The following RBFOX1 variants were observed in gnomAD, a reference collection of about 807,000 sequenced individuals.
The protein encoded by RBFOX1 is RNA binding protein fox-1 homolog 1.
In RBFOX1, 8 loss-of-function variants were observed where a neutral mutation model predicts 57.7. The ratio of observed to expected loss-of-function variants is 0.14; its 90% CI spans 0.08 to 0.25. RBFOX1 has a LOEUF of 0.25. Among genes scored for constraint, RBFOX1 ranks in the 10% least tolerant of loss-of-function variants. The pLI, the probability that RBFOX1 is intolerant of heterozygous loss-of-function variation, is 1.00. For synonymous variants in RBFOX1, 326 were observed against 222.4 expected (o/e 1.47, Z -4.15); for missense variants, 611 against 548.5 (o/e 1.11, Z -1.14).
intron 1 of RBFOX1, among the ~76,000 whole-genome samples, chr16:6,210,770 A>T: frequency 1.3e-5 from 2 of 152,288 alleles, no homozygotes; most frequent in Middle Eastern, 6.8e-3. Context: ...TTAAAAAAGG[A>T]ATCTTATGAA....
intron 2 of RBFOX1, among the ~76,000 whole-genome samples, chr16:6,634,609 A>G (rs2098416197): frequency 1.4e-5 from 2 of 145,144 alleles, no homozygotes; most frequent in Non-Finnish European, 3.0e-5. Flanking sequence ...TCTATGTAAT[A>G]TATGATTAAA....
intron 3 of RBFOX1, among the ~76,000 whole-genome samples, chr16:5,835,199 C>G (rs769187824): frequency 6.6e-6 from 1 of 152,076 alleles, no homozygotes; most frequent in Non-Finnish European, 1.5e-5. Flanking sequence ...TGAGGGCTTC[C>G]TAGAAGTGAG....
intron 4 of RBFOX1, among the ~76,000 whole-genome samples, chr16:7,414,193 C>A (rs2098457421): frequency 6.6e-6 from 1 of 152,226 alleles, no homozygotes; most frequent in African/African-American, 2.4e-5. Flanking sequence ...CACTTCCATG[C>A]ACCAAGATGG....
At chr16:7,205,691 C>G (rs1219617876) in intron 4 of RBFOX1, among the ~76,000 whole-genome samples, 1 of 152,116 alleles carries the variant, frequency 6.6e-6, no homozygotes, top group African/African-American at 2.4e-5. Context: ...TTGACGTAAA[C>G]TTGGTCCACC....
intron 3 of RBFOX1, among the ~76,000 whole-genome samples, chr16:6,796,815 T>G (rs1045916539): frequency 2.0e-5 from 3 of 152,320 alleles, no homozygotes; most frequent in African/African-American, 4.8e-5. Context: ...ATATCTACAT[T>G]GTTTCTTTGA....
intron 4 of RBFOX1, among the ~76,000 whole-genome samples, chr16:7,388,735 C>G (rs576022007): frequency 6.9e-6 from 1 of 145,858 alleles, no homozygotes; most frequent in Non-Finnish European, 1.5e-5. Context: ...ATGAATTCCA[C>G]GAGATATTCA....
chr16:6,329,289 A>C (rs2082731811), intron 2 of RBFOX1, among the ~76,000 whole-genome samples: 1 of 152,158 alleles, frequency 6.6e-6, no homozygotes, highest in South Asian at 2.1e-4. Flanking sequence ...ACCTCATTTC[A>C]TCCTTATAAT....
chr16:6,862,974 G>C (rs2059277932), intron 3 of RBFOX1, among the ~76,000 whole-genome samples: 1 of 138,662 alleles, frequency 7.2e-6, no homozygotes, highest in African/African-American at 2.5e-5. Flanking sequence ...GACAGAGGGA[G>C]ACTCTGTCTA....
chr16:5,482,502 C>G (rs1483139002), intron 2 of RBFOX1, among the ~76,000 whole-genome samples: 1 of 152,216 alleles, frequency 6.6e-6, no homozygotes, highest in African/African-American at 2.4e-5. Flanking sequence ...AAGTCAGCGT[C>G]TGAGCCAGGG....
At chr16:6,565,776 C>G (rs142392076) in intron 2 of RBFOX1, among the ~76,000 whole-genome samples, 1,649 of 152,272 alleles carry the variant, frequency 0.011, 11 homozygotes, top group Non-Finnish European at 0.018. Context: ...CTCACTTTTT[C>G]TTTAATTTTT....
intron 4 of RBFOX1, among the ~76,000 whole-genome samples, chr16:5,975,700 T>C (rs1421220533): frequency 1.3e-5 from 2 of 152,176 alleles, no homozygotes; most frequent in African/African-American, 2.4e-5. Context: ...CCTAGCATAA[T>C]TTAAGCTTAA....
chr16:5,434,514 G>A (rs2067856404), intron 1 of RBFOX1, among the ~76,000 whole-genome samples: 1 of 151,264 alleles, frequency 6.6e-6, no homozygotes, highest in Admixed American at 6.6e-5. Flanking sequence ...TAGAGATGAG[G>A]TTTCTCCATG....
chr16:7,042,976 A>G (rs562187823), intron 3 of RBFOX1, among the ~76,000 whole-genome samples: 6 of 152,302 alleles, frequency 3.9e-5, no homozygotes, highest in East Asian at 3.9e-4. Context: ...TCCTAGCAGC[A>G]TAGTTAAAAT....
At chr16:7,244,247 C>CAAAAAAAAAAAA (rs60054791) in intron 4 of RBFOX1, among the ~76,000 whole-genome samples, 1 of 99,224 alleles carries the variant, frequency 1.0e-5, no homozygotes, top group African/African-American at 3.4e-5. Context: ...CAAAGTATTC[C>CAAAAAAAAAAAA]AAAAAAAAAA....
chr16:6,255,080 C>G (rs8061586), intron 1 of RBFOX1, among the ~76,000 whole-genome samples: 107,598 of 152,046 alleles, frequency 0.71, 41,897 homozygotes, highest in Non-Finnish European at 0.87. Flanking sequence ...CATATGTCCG[C>G]GGACCTGTTT....
At chr16:5,953,321 A>C (rs889966199) in intron 4 of RBFOX1, among the ~76,000 whole-genome samples, 2 of 152,228 alleles carry the variant, frequency 1.3e-5, no homozygotes, top group Non-Finnish European at 2.9e-5. Context: ...GCATGGGCAT[A>C]CTTTTAAAAA....
At chr16:7,698,239 G>C (rs1223499760) in intron 14 of RBFOX1, among the ~76,000 whole-genome samples, 2 of 151,222 alleles carry the variant, frequency 1.3e-5, no homozygotes, top group East Asian at 1.9e-4. Flanking sequence ...GTGGAGGCTG[G>C]GACTCACTAG....
At chr16:5,707,555 A>T (rs1244047933) in intron 3 of RBFOX1, among the ~76,000 whole-genome samples, 1 of 152,170 alleles carries the variant, frequency 6.6e-6, no homozygotes, top group African/African-American at 2.4e-5. Context: ...GAGATAGGCA[A>T]ATATCATGCC....
intron 4 of RBFOX1, among the ~76,000 whole-genome samples, chr16:7,102,968 C>T (rs535152573): frequency 3.9e-5 from 6 of 151,980 alleles, no homozygotes; most frequent in Admixed American, 3.3e-4. Flanking sequence ...GAGCTTGAGA[C>T]TAGCTCTGCT....
Sources: allele counts gnomAD v4.1 joint callset (sites outside exome capture counted in the v4.1 genomes callset), GRCh38; gene constraint gnomAD v4.1.1; transcripts MANE v1.5; gene names NCBI Gene and HGNC (gene_info 2026-07-23, HGNC 2026-07-21).